The following LANCL3 variants were observed in gnomAD, a reference collection of about 807,000 sequenced individuals.
The protein encoded by LANCL3 is LanC like family member 3.
Under a neutral mutation model 26.5 loss-of-function variants are expected in LANCL3, and 19 were observed. That is an observed-to-expected ratio of 0.72 (90% CI 0.50 to 1.05). The LOEUF (loss-of-function observed/expected upper bound fraction) is 1.05, where lower values mean the gene tolerates loss of function less well. LANCL3 is among the 50% of genes least tolerant of loss of function. The pLI is 0.00. For synonymous variants in LANCL3, 160 were observed against 166.6 expected (o/e 0.96, Z 0.30); for missense variants, 318 against 362.7 (o/e 0.88, Z 1.00).
intron 1 of LANCL3, among the ~76,000 whole-genome samples, chrX:37,629,880 C>T (rs1454452792): frequency 2.7e-4 from 30 of 110,390 alleles, no homozygotes; most frequent in Admixed American, 1.1e-3. Flanking sequence ...AGTCAGGTAG[C>T]GTGATGCCTC....
chrX:37,611,129 G>A (rs1355534777), intron 1 of LANCL3, among the ~76,000 whole-genome samples: 1 of 112,211 alleles, frequency 8.9e-6, no homozygotes, highest in African/African-American at 3.2e-5. Context: ...ACAAATCCCT[G>A]TCCCTCATTG....
At chrX:37,626,273 A>G (rs1925313368) in intron 1 of LANCL3, among the ~76,000 whole-genome samples, 1 of 112,041 alleles carries the variant, frequency 8.9e-6, no homozygotes, top group Non-Finnish European at 1.9e-5. Flanking sequence ...GACAGAAATC[A>G]TTTGCCATAG....
At chrX:37,581,726 T>A (rs1556417063) in intron 1 of LANCL3, among the ~76,000 whole-genome samples, 2 of 112,304 alleles carry the variant, frequency 1.8e-5, no homozygotes, top group Non-Finnish European at 1.9e-5. Context: ...ACAGTCTATT[T>A]ATGTCTTTTC....
chrX:37,605,518 T>C (rs1924684841), intron 1 of LANCL3, among the ~76,000 whole-genome samples: 1 of 111,750 alleles, frequency 8.9e-6, no homozygotes, highest in South Asian at 3.8e-4. Flanking sequence ...ATTATCCTCA[T>C]GATGGCCTAC....
intron 1 of LANCL3, among the ~76,000 whole-genome samples, chrX:37,616,280 C>A (rs1556421684): frequency 8.9e-6 from 1 of 112,185 alleles, no homozygotes; most frequent in Non-Finnish European, 1.9e-5. Flanking sequence ...AATTTATTTA[C>A]TTATTAGATT....
intron 2 of LANCL3, among the ~76,000 whole-genome samples, chrX:37,658,074 G>A (rs1367610022): frequency 1.8e-5 from 2 of 111,815 alleles, no homozygotes; most frequent in African/African-American, 3.3e-5. Context: ...TCCAAAGGCA[G>A]GTTCAGGCCT....
At position 37,572,257 on chromosome X, in the gene LANCL3, C is replaced by G. The variant is rs1280701754; in HGVS notation, c.387C>G (p.Ala129=). Reference sequence around the variant, plus strand: ...TGCTCGGGGGCGCGGGCGTGTACGCCGTGGCCACGCTCGTATACCACGCCC... The same window carrying G: ...TGCTCGGGGGCGCGGGCGTGTACGCGGTGGCCACGCTCGTATACCACGCCC... ...AFLLGGAGVY[A]VATLVYHALG... The change falls in exon 1 of 5, where the codon GCC becomes GCG. Residue 129 remains alanine (A), a synonymous_variant. Coordinates refer to ENST00000378619, the MANE Select transcript of LANCL3 (RefSeq NM_001170331.2). 5.8e-5 allele frequency: 67 copies of G among 1,147,734 alleles called. No individual in the cohort carries two copies. The highest frequency in any genetic ancestry group is 7.4e-5 in the Non-Finnish European group (64 of 866,543). 94.6% of individuals were successfully genotyped at this position (1,147,734 alleles called of 1,213,427 possible).
intron 1 of LANCL3, among the ~76,000 whole-genome samples, chrX:37,644,244 G>A (rs1229229414): frequency 4.5e-5 from 5 of 111,453 alleles, no homozygotes; most frequent in African/African-American, 1.6e-4. Flanking sequence ...TGTTAGAAAT[G>A]CAAGACCTCA....
chrX:37,650,603 C>A lies in LANCL3; in HGVS notation c.574-5085C>A, dbSNP rs184746520. ...TTGTATGGAAAATTGGTAGGAAGCC[C>A]TAAAGGGAGTAGCCCTAAACTGTTA... On this transcript the variant is annotated intron_variant, in intron 1 of 4. Coordinates refer to ENST00000378619, the MANE Select transcript of LANCL3 (RefSeq NM_001170331.2). Among the ~76,000 whole-genome samples the A allele has an allele frequency of 3.9e-3, 415 of 106,486 alleles. 5 individuals are homozygous for A. The highest frequency in any genetic ancestry group is 0.013 in the African/African-American group (380 of 29,126). 92.5% of individuals were successfully genotyped at this position (106,486 alleles called of 115,157 possible).
intron 1 of LANCL3, among the ~76,000 whole-genome samples, chrX:37,635,387 A>G (rs1925677908): frequency 8.9e-6 from 1 of 112,300 alleles, no homozygotes; most frequent in Non-Finnish European, 1.9e-5. Flanking sequence ...AATGATAAAT[A>G]TGCTGTAACA....
At chrX:37,581,970 C>T (rs1397076912) in intron 1 of LANCL3, among the ~76,000 whole-genome samples, 2 of 109,899 alleles carry the variant, frequency 1.8e-5, no homozygotes, top group African/African-American at 6.7e-5. Flanking sequence ...TGTGATGTTC[C>T]CCTTCCTGTG....
Position 37,643,887 on chromosome X carries a change from G to C in LANCL3, c.574-11801G>C, listed in dbSNP as rs5963840. On this transcript the variant is annotated intron_variant, in intron 1 of 4. Transcript: ENST00000378619. ...GCATTGTGCATGTGCTTTATGCTAGGAACCGTGCTAAGTATCTTATATGAA... is the reference window on the plus strand; with the variant it reads ...GCATTGTGCATGTGCTTTATGCTAGCAACCGTGCTAAGTATCTTATATGAA... Among the ~76,000 whole-genome samples the C allele has an allele frequency of 5.2e-3, 580 of 111,471 alleles. 7 individuals carry two copies. The highest frequency in any genetic ancestry group is 0.018 in the African/African-American group (559 of 30,690).
intron 1 of LANCL3, among the ~76,000 whole-genome samples, chrX:37,644,472 C>T (rs1410000477): frequency 1.8e-5 from 2 of 112,070 alleles, no homozygotes; most frequent in African/African-American, 3.2e-5. Flanking sequence ...GCCCTGATCT[C>T]CTGATTCCTA....
intron 1 of LANCL3, 42 bp from the exon 2 acceptor site, chrX:37,655,646 G>A (rs782098195): frequency 6.2e-6 from 7 of 1,134,352 alleles, no homozygotes; most frequent in Middle Eastern, 5.1e-4. Context: ...AAGGAAAAAG[G>A]AGATCCTGCT....
chrX:37,579,006 T>A (rs1556416719), intron 1 of LANCL3, among the ~76,000 whole-genome samples: 3 of 107,770 alleles, frequency 2.8e-5, no homozygotes, highest in Non-Finnish European at 5.8e-5. Context: ...AAAAAAAAAT[T>A]ATTTTAAAAG....
At chrX:37,673,171 A>G (rs1432822716) in intron 4 of LANCL3, among the ~76,000 whole-genome samples, 2 of 111,360 alleles carry the variant, frequency 1.8e-5, no homozygotes, top group African/African-American at 6.5e-5. Flanking sequence ...TTAATTTCCT[A>G]TATCTGTGGC....
intron 1 of LANCL3, among the ~76,000 whole-genome samples, chrX:37,624,450 C>G (rs782444616): frequency 1.8e-5 from 2 of 111,532 alleles, no homozygotes; most frequent in East Asian, 5.5e-4. Context: ...ATATTAATAT[C>G]ATGTTATGTA....
Position 37,622,268 on chromosome X carries a change from A to G in LANCL3, c.574-33420A>G, listed in dbSNP as rs183672709. Among the ~76,000 whole-genome samples, 21 of 111,607 alleles carry G rather than the reference A, an allele frequency of 1.9e-4. No homozygotes were observed. In the East Asian group the frequency reaches 5.4e-3, roughly 28 times the overall value. On this transcript the variant is annotated intron_variant, in intron 1 of 4. Transcript: ENST00000378619. ...TCATTTTACAACCCACCGCCTATAT[A>G]TCTTGTGCAAGTCATTTTCTTTCTT...
chrX:37,583,818 C>A (rs1556417414), intron 1 of LANCL3, among the ~76,000 whole-genome samples: 1 of 111,789 alleles, frequency 8.9e-6, no homozygotes, highest in African/African-American at 3.3e-5. Flanking sequence ...TTTCTTTCTC[C>A]TGCCTGATTG....
Sources: allele counts gnomAD v4.1 joint callset (sites outside exome capture counted in the v4.1 genomes callset), GRCh38; gene constraint gnomAD v4.1.1; transcripts MANE v1.5; gene names NCBI Gene and HGNC (gene_info 2026-07-23, HGNC 2026-07-21).